The following ARHGAP19 variants were observed in gnomAD, a reference collection of about 807,000 sequenced individuals.
The protein encoded by ARHGAP19 is rho GTPase-activating protein 19.
ARHGAP19 carries 48 observed loss-of-function variants against 60.9 expected under a neutral mutation model. The observed-to-expected ratio is 0.79, with a 90% CI of 0.62 to 1.00. The LOEUF is 1.00. Ranked by LOEUF, ARHGAP19 falls within the 50% of genes least tolerant of loss-of-function variation. The pLI, the probability that ARHGAP19 is intolerant of heterozygous loss-of-function variation, is 0.00. For missense variants in ARHGAP19, 562 were observed against 597.2 expected (o/e 0.94, Z 0.61); for synonymous variants, 209 against 215.5 (o/e 0.97, Z 0.27).
intron 8 of ARHGAP19, among the ~76,000 whole-genome samples, chr10:97,240,458 C>T (rs1842461248): frequency 6.6e-6 from 1 of 152,160 alleles, no homozygotes; most frequent in African/African-American, 2.4e-5. Flanking sequence ...TCAAGACCAG[C>T]CTGGCCAATA....
At chr10:97,272,199 G>A (rs961366748) in intron 1 of ARHGAP19, among the ~76,000 whole-genome samples, 4 of 126,092 alleles carry the variant, frequency 3.2e-5, no homozygotes, top group East Asian at 5.2e-4. Context: ...GCAGTGGCAC[G>A]ATCTCAGCTA....
chr10:97,243,343 GAGAA>G (rs1842517244), intron 8 of ARHGAP19, among the ~76,000 whole-genome samples: 1 of 152,282 alleles, frequency 6.6e-6, no homozygotes, highest in Admixed American at 6.5e-5. Flanking sequence ...AATTAATCTT[GAGAA>G]AGAAACTACC....
At chr10:97,261,643 A>C (rs1842830970) in intron 4 of ARHGAP19, among the ~76,000 whole-genome samples, 1 of 152,258 alleles carries the variant, frequency 6.6e-6, no homozygotes, top group Non-Finnish European at 1.5e-5. Flanking sequence ...GAGCTAAAAA[A>C]AAAAACTAAT....
At chr10:97,234,415 T>TAAA (rs10592924) in intron 9 of ARHGAP19, among the ~76,000 whole-genome samples, 1 of 124,174 alleles carries the variant, frequency 8.1e-6, no homozygotes, top group African/African-American at 3.1e-5. Context: ...AAATAAAAAT[T>TAAA]AAAAAAAAAA....
intron 4 of ARHGAP19, among the ~76,000 whole-genome samples, chr10:97,262,834 CG>C (rs1842848893): frequency 6.6e-6 from 1 of 151,626 alleles, no homozygotes; most frequent in Admixed American, 6.6e-5. Flanking sequence ...AACTAAAACA[CG>C]TTGGGCACAG....
chr10:97,268,012 T>C (rs1842920474), intron 1 of ARHGAP19, among the ~76,000 whole-genome samples: 1 of 152,250 alleles, frequency 6.6e-6, no homozygotes, highest in South Asian at 2.1e-4. Context: ...TGAATTTCTC[T>C]GCAGAAAATG....
At chr10:97,266,210 C>A (rs1486629338) in intron 1 of ARHGAP19, 85 bp from the exon 2 acceptor site, 6 of 1,497,432 alleles carry the variant, frequency 4.0e-6, no homozygotes, top group East Asian at 2.3e-5. Context: ...GGTCCTGACT[C>A]CACGCAAAGG....
intron 1 of ARHGAP19, among the ~76,000 whole-genome samples, chr10:97,278,727 A>G (rs774405161): frequency 6.6e-6 from 1 of 152,220 alleles, no homozygotes; most frequent in Non-Finnish European, 1.5e-5. Flanking sequence ...AACAATCCAC[A>G]GCTGAAAAAT....
At chr10:97,281,415 G>T (rs552627756) in intron 1 of ARHGAP19, among the ~76,000 whole-genome samples, 1 of 151,948 alleles carries the variant, frequency 6.6e-6, no homozygotes, top group African/African-American at 2.4e-5. Context: ...AAAAAGAAAA[G>T]AGTTTCTATA....
Position 97,223,362 on chromosome 10 carries a change from A to T in ARHGAP19, c.*2760T>A, listed in dbSNP as rs1003720082. The T allele has an allele frequency of 6.6e-6, 1 of 152,180 alleles. No homozygotes were observed. The highest frequency in any genetic ancestry group is 2.4e-5 in the African/African-American group (1 of 41,438). 9.4% of individuals were successfully genotyped at this position (152,180 alleles called of 1,614,324 possible). A position where few individuals can be genotyped will look rare whatever the true frequency, so the allele number is the denominator to read the frequency against. On this transcript the variant is annotated 3_prime_UTR_variant, in exon 12 of 12. Coordinates refer to ENST00000358531, the MANE Select transcript of ARHGAP19 (RefSeq NM_032900.6). ...CTACTACAGCAGGGTTTTTCACACCAGATTCATTGGTCCCAATGCAAAAGT... is the reference window on the plus strand; with the variant it reads ...CTACTACAGCAGGGTTTTTCACACCTGATTCATTGGTCCCAATGCAAAAGT...
chr10:97,268,447 A>G (rs1275531329), intron 1 of ARHGAP19, among the ~76,000 whole-genome samples: 1 of 152,168 alleles, frequency 6.6e-6, no homozygotes, highest in African/African-American at 2.4e-5. Context: ...ACCCAACTCT[A>G]CTGGTACCAA....
chr10:97,273,895 G>A (rs1000124263), intron 1 of ARHGAP19, among the ~76,000 whole-genome samples: 1 of 151,414 alleles, frequency 6.6e-6, no homozygotes, highest in Non-Finnish European at 1.5e-5. Context: ...AATGAAAATG[G>A]ACAGACTCTA....
rs879779202 is a variant in ARHGAP19, at chr10:97,280,584, AT to A, written c.56+11987del. ...ATGCTTCATGAGTCTCTCTTTTCCT[AT>A]TTTTTTTTTTTCCCCTAAGACAGGG... On this transcript the variant is annotated intron_variant, in intron 1 of 11. Transcript: ENST00000358531. Among the ~76,000 whole-genome samples, 1,008 of 143,190 alleles carry A rather than the reference AT, an allele frequency of 7.0e-3. 6 individuals are homozygous for A. The highest frequency in any genetic ancestry group is 0.02 in the African/African-American group (766 of 39,222). 93.9% of individuals were successfully genotyped at this position (143,190 alleles called of 152,430 possible).
chr10:97,236,586 A>T (rs148968772), intron 8 of ARHGAP19, among the ~76,000 whole-genome samples: 214 of 152,220 alleles, frequency 1.4e-3, no homozygotes, highest in Middle Eastern at 0.01. Context: ...CTGGGAAGGT[A>T]TTTAGCAAGG....
At chr10:97,270,702 C>G in intron 1 of ARHGAP19, 1 of 1,538,572 alleles carries the variant, frequency 6.5e-7, no homozygotes, top group Non-Finnish European at 8.8e-7. Context: ...TCTCCTTTCC[C>G]TGCCCCAGCA....
intron 9 of ARHGAP19, among the ~76,000 whole-genome samples, chr10:97,232,543 A>C (rs1851044722): frequency 6.6e-6 from 1 of 152,096 alleles, no homozygotes; most frequent in African/African-American, 2.4e-5. Context: ...TTAATCCCTA[A>C]TCATAAATAT....
chr10:97,251,356 AAAG>A (rs1842653512), intron 6 of ARHGAP19, among the ~76,000 whole-genome samples: 1 of 20,350 alleles, frequency 4.9e-5, no homozygotes, highest in Non-Finnish European at 9.5e-5. Context: ...GAGGGAAAGG[AAAG>A]GGGAAAGGAA....
intron 1 of ARHGAP19, among the ~76,000 whole-genome samples, chr10:97,278,272 A>G (rs1437683215): frequency 6.6e-6 from 1 of 152,218 alleles, no homozygotes; most frequent in East Asian, 1.9e-4. Context: ...AAATCAGTTA[A>G]ATCATTTTGT....
chr10:97,226,631 G>A (rs1850901227), intron 11 of ARHGAP19, among the ~76,000 whole-genome samples: 1 of 152,204 alleles, frequency 6.6e-6, no homozygotes, highest in African/African-American at 2.4e-5. Flanking sequence ...CGGAAGATGA[G>A]AAGAACAGGA....
Sources: allele counts gnomAD v4.1 joint callset (sites outside exome capture counted in the v4.1 genomes callset), GRCh38; gene constraint gnomAD v4.1.1; transcripts MANE v1.5; gene names NCBI Gene and HGNC (gene_info 2026-07-23, HGNC 2026-07-21).